LZTS2: variants seen among roughly 807,000 people sequenced by gnomAD.
LZTS2 encodes the protein leucine zipper putative tumor suppressor 2.
LZTS2 carries 32 observed loss-of-function variants against 60.6 expected under a neutral mutation model. The ratio of observed to expected loss-of-function variants is 0.53; its 90% CI spans 0.40 to 0.71. The LOEUF is 0.71. Ranked by LOEUF, LZTS2 falls within the 30% of genes least tolerant of loss-of-function variation. The pLI is 0.00. For missense variants in LZTS2, 792 were observed against 901.9 expected, an observed-to-expected ratio of 0.88 and a Z score of 1.56; for synonymous variants, 360 against 393.1, an observed-to-expected ratio of 0.92 and a Z score of 1.00.
chr10:100,999,842 CGGGCCAGGGCCG>C (rs1393679270), exon 1 of LZTS2: 8 of 147,878 alleles, frequency 5.4e-5, no homozygotes, highest in African/African-American at 1.7e-4. Context: ...TGGCGGCGCG[CGGGCCAGGGCCG>C]GGGCCGGGGC....
At position 101,006,872 on chromosome 10, in the gene LZTS2, C is replaced by A. The variant is rs924657673; in HGVS notation, c.1714C>A (p.Arg572=). The A allele has an allele frequency of 7.9e-6, 12 of 1,528,070 alleles. No individual in the cohort carries two copies. The African/African-American group carries it at 9.6e-5, about 12-fold the overall frequency. 94.7% of individuals were successfully genotyped at this position (1,528,070 alleles called of 1,614,324 possible). Reference sequence around the variant, plus strand: ...AGCAGCCGGGGTTGGGGGCAGCTTGCGGGCCCAGGTGGAGCGATTGCGGGT... The same window carrying A: ...AGCAGCCGGGGTTGGGGGCAGCTTGAGGGCCCAGGTGGAGCGATTGCGGGT... Residue 572 remains arginine (R), a synonymous_variant, in exon 4 of 4, where the codon CGG becomes AGG. Transcript: ENST00000370220.
At chr10:101,004,397 G>A (rs146016044) in intron 2 of LZTS2, among the ~76,000 whole-genome samples, 8 of 152,028 alleles carry the variant, frequency 5.3e-5, no homozygotes, top group East Asian at 1.9e-4. Flanking sequence ...GCTTGAGCTC[G>A]GGAGTTTGAG....
chr10:101,002,422 G>A, exon 1 of LZTS2: 1 of 942,314 alleles, frequency 1.1e-6, no homozygotes, highest in Non-Finnish European at 1.5e-6. Flanking sequence ...ATGTCAAGGA[G>A]GTGTTTGGTC....
At chr10:101,002,647 C>T (rs1852064781) in exon 1 of LZTS2, 2 of 1,606,778 alleles carry the variant, frequency 1.2e-6, no homozygotes, top group Non-Finnish European at 1.7e-6. Context: ...CTCAGGCCGG[C>T]CCTGTCCCGG....
chr10:101,007,417 T>G, exon 4 of LZTS2: 21 of 1,420,192 alleles, frequency 1.5e-5, no homozygotes, highest in East Asian at 1.1e-4. Context: ...ACCCACTTCA[T>G]TCCCCACCGC....
rs1181046937 is a variant in LZTS2, at chr10:101,007,485, A to G, written c.*317A>G. The G allele has an allele frequency of 2.8e-6, 4 of 1,413,832 alleles. No homozygotes were observed. The East Asian group carries it at 1.4e-4, about 48-fold the overall frequency. 87.6% of individuals were successfully genotyped at this position (1,413,832 alleles called of 1,614,324 possible). A position where few individuals can be genotyped will look rare whatever the true frequency, so the allele number is the denominator to read the frequency against. ...GCTTCCAGCCCACTCCAGCCAGGGG[A>G]GCAGGGAAGAAGAAGGGGCTCCCTC... On this transcript the variant is annotated 3_prime_UTR_variant, in exon 4 of 4. Transcript: ENST00000370220.
exon 1 of LZTS2, chr10:101,000,201 C>T (rs1482219852): frequency 6.6e-6 from 1 of 152,472 alleles, no homozygotes; most frequent in African/African-American, 2.4e-5. Flanking sequence ...TCAGATCCGT[C>T]TCCGGCCCTG....
chr10:100,998,294 C>T, upstream of LZTS2: 1 of 152,860 alleles, frequency 6.5e-6, no homozygotes, highest in Non-Finnish European at 1.5e-5. Context: ...GGGCAGGCTG[C>T]CAGAAAGAGG....
chr10:101,006,808 C>G (rs1436199495), exon 4 of LZTS2: 1 of 1,543,468 alleles, frequency 6.5e-7, no homozygotes, highest in South Asian at 1.2e-5. Flanking sequence ...CTGACCCATT[C>G]CTCCTGGCAG....
chr10:100,997,253 G>A (rs1231848350), upstream of LZTS2: 2 of 152,250 alleles, frequency 1.3e-5, no homozygotes, highest in Non-Finnish European at 2.9e-5. Flanking sequence ...TGGGGCGGCG[G>A]AGGTGCAGGA....
rs1852087515 is a variant in LZTS2 at position 101,003,367 on chromosome 10, T to TGGTGGCCACCTCCACC, written c.409-139_409-124dup. 1.0e-4 allele frequency: 82 copies of TGGTGGCCACCTCCACC among 790,428 alleles called. No homozygotes were observed. In the South Asian group the frequency reaches 1.9e-3, roughly 19 times the overall value. The allele number at this position is 790,428 out of a possible 1,614,324, so 49.0% of individuals were successfully genotyped here. On this transcript the variant is annotated intron_variant, in intron 1 of 3. Coordinates refer to ENST00000370220, the Ensembl canonical transcript of LZTS2. ...AAATTGCTTGACACAAAGCTGACAC[T>TGGTGGCCACCTCCACC]GGTGGCCACCTCCACCAGTGGCCGC...
At chr10:101,003,975 C>T (rs1163161419) in exon 2 of LZTS2, 1 of 1,611,950 alleles carries the variant, frequency 6.2e-7, no homozygotes, top group Admixed American at 1.7e-5. Context: ...GGCTGGGGGG[C>T]TTTTGGGCAG....
At chr10:101,003,396 T>G in intron 1 of LZTS2, 111 bp from the exon 3 acceptor site, 1 of 1,169,640 alleles carries the variant, frequency 8.5e-7, no homozygotes, top group Non-Finnish European at 1.2e-6. Flanking sequence ...TGGCCGCAAT[T>G]GTTATGAATA....
rs1354426108 is a variant in LZTS2 at position 101,006,780 on chromosome 10, CT to C, written c.1623del (p.Val542CysfsTer69). The C allele has an allele frequency of 1.3e-6, 2 of 1,553,856 alleles. No individual in the cohort carries two copies. The highest frequency in any genetic ancestry group is 1.7e-6 in the Non-Finnish European group (2 of 1,149,406). On this transcript the variant is annotated frameshift_variant, in exon 4 of 4. Coordinates refer to ENST00000370220, the Ensembl canonical transcript of LZTS2. LOFTEE classifies it high-confidence loss of function. ...GAGGCGGCCGGACTCCGGGAGCCCC[CT>C]GTGCCACCTGCCACCGCTGACCCAT...
At chr10:101,002,757 G>A (rs751125760) in exon 1 of LZTS2, 33 of 1,613,260 alleles carry the variant, frequency 2.0e-5, no homozygotes, top group African/African-American at 1.7e-4. Context: ...AGGAGCCGCT[G>A]TGCCCAGCTG....
exon 2 of LZTS2, chr10:101,003,746 G>A (rs772651397): frequency 1.8e-5 from 29 of 1,612,794 alleles, no homozygotes; most frequent in South Asian, 9.9e-5. Flanking sequence ...CATCAGGGAC[G>A]CTATCCGACT....
chr10:101,003,231 A>G (rs1486491713), intron 1 of LZTS2: 1 of 529,784 alleles, frequency 1.9e-6, no homozygotes, highest in Non-Finnish European at 3.2e-6. Context: ...GTTATTCTGC[A>G]CCAGTTATAC....
Position 101,007,234 on chromosome 10 carries a change from C to T in LZTS2, c.*66C>T, listed in dbSNP as rs566619201. The T allele has an allele frequency of 5.4e-6, 8 of 1,467,960 alleles. No homozygotes were observed. In the South Asian group the frequency reaches 8.5e-5, roughly 16 times the overall value. 90.9% of individuals were successfully genotyped at this position (1,467,960 alleles called of 1,614,324 possible). A position where few individuals can be genotyped will look rare whatever the true frequency, so the allele number is the denominator to read the frequency against. On this transcript the variant is annotated 3_prime_UTR_variant, in exon 4 of 4. Transcript: ENST00000370220. ...GGCAGCAGCTGCAGATCCACTTAGG[C>T]CCCAGGGTCCACGGATGGCCCCAAA...
exon 1 of LZTS2, chr10:100,999,478 G>GGCC (rs1851981369): frequency 6.6e-6 from 1 of 152,496 alleles, no homozygotes; most frequent in South Asian, 2.1e-4. Context: ...GGGGAGGGGC[G>GGCC]GCCGCCGCCG....
Sources: gnomAD v4.1 joint callset for allele counts (sites outside exome capture counted in the v4.1 genomes callset) on GRCh38, gnomAD v4.1.1 for gene constraint, MANE v1.5 for transcripts, NCBI Gene and HGNC (gene_info 2026-07-23, HGNC 2026-07-21) for gene names.